Variants in GABRB1 observed in about 807,000 individuals in gnomAD.
GABRB1 encodes gamma-aminobutyric acid type A receptor subunit beta1.
Under a neutral mutation model 51.6 loss-of-function variants are expected in GABRB1, and 17 were observed. The ratio of observed to expected loss-of-function variants is 0.33; its 90% CI spans 0.23 to 0.49. The LOEUF is 0.49. Among genes scored for constraint, GABRB1 ranks in the 20% least tolerant of loss-of-function variants. GABRB1 has a pLI of 0.99. For missense variants in GABRB1, 410 were observed against 600.6 expected, an observed-to-expected ratio of 0.68 and a Z score of 3.32; for synonymous variants, 247 against 218.9, an observed-to-expected ratio of 1.13 and a Z score of -1.14.
At chr4:47,125,447 A>C (rs890922087) in intron 3 of GABRB1, among the ~76,000 whole-genome samples, 3 of 152,010 alleles carry the variant, frequency 2.0e-5, no homozygotes, top group Non-Finnish European at 4.4e-5. Flanking sequence ...ACTCTAATAC[A>C]GTAATAATGG....
chr4:47,112,488 G>T (rs13123038), intron 3 of GABRB1, among the ~76,000 whole-genome samples: 59,152 of 152,044 alleles, frequency 0.39, 11,785 homozygotes, highest in South Asian at 0.45. Flanking sequence ...TGGTTTGATT[G>T]TCAGGTTCAC....
chr4:47,207,954 A>G (rs193199122), intron 4 of GABRB1, among the ~76,000 whole-genome samples: 30 of 152,186 alleles, frequency 2.0e-4, no homozygotes, highest in Admixed American at 4.6e-4. Context: ...AAAATTACCT[A>G]ACTCCTGGCA....
chr4:47,118,810 G>A (rs1479801637), intron 3 of GABRB1, among the ~76,000 whole-genome samples: 1 of 152,116 alleles, frequency 6.6e-6, no homozygotes, highest in African/African-American at 2.4e-5. Flanking sequence ...TAGCTAAATA[G>A]AGATATGCCA....
chr4:47,039,369 A>T (rs560825598), intron 3 of GABRB1, among the ~76,000 whole-genome samples: 1 of 151,290 alleles, frequency 6.6e-6, no homozygotes, highest in African/African-American at 2.4e-5. Flanking sequence ...CAAAAAAAAA[A>T]AAAAAACCAG....
intron 3 of GABRB1, among the ~76,000 whole-genome samples, chr4:47,143,932 AG>A (rs1717043205): frequency 2.0e-5 from 3 of 151,932 alleles, no homozygotes; most frequent in Non-Finnish European, 2.9e-5. Flanking sequence ...TTGCATCCTC[AG>A]CACCTAAAAC....
At chr4:47,113,449 T>C (rs1267840280) in intron 3 of GABRB1, among the ~76,000 whole-genome samples, 1 of 149,542 alleles carries the variant, frequency 6.7e-6, no homozygotes, top group Admixed American at 6.6e-5. Flanking sequence ...AATAAAAATA[T>C]AATTATGAAT....
At chr4:47,407,282 T>C (rs1728609346) in intron 8 of GABRB1, among the ~76,000 whole-genome samples, 1 of 152,230 alleles carries the variant, frequency 6.6e-6, no homozygotes. Flanking sequence ...GTTATAACCA[T>C]AGACTGAAAT....
At chr4:47,420,383 G>A (rs990616199) in intron 8 of GABRB1, among the ~76,000 whole-genome samples, 1 of 152,086 alleles carries the variant, frequency 6.6e-6, no homozygotes, top group Non-Finnish European at 1.5e-5. Context: ...CATACTTGAG[G>A]GCACTGTGAG....
chr4:47,099,922 T>C (rs1005996879), intron 3 of GABRB1, among the ~76,000 whole-genome samples: 2 of 152,160 alleles, frequency 1.3e-5, no homozygotes, highest in Non-Finnish European at 1.5e-5. Context: ...CATTTAGTTG[T>C]AATTTCGCCT....
At chr4:47,310,521 A>G (rs1054479005) in intron 4 of GABRB1, among the ~76,000 whole-genome samples, 7 of 152,208 alleles carry the variant, frequency 4.6e-5, no homozygotes, top group African/African-American at 1.4e-4. Context: ...TTAACTGCTC[A>G]TGGAAGAAAT....
intron 3 of GABRB1, among the ~76,000 whole-genome samples, chr4:47,053,888 T>A (rs1726467895): frequency 6.6e-6 from 1 of 152,220 alleles, no homozygotes; most frequent in Admixed American, 6.5e-5. Flanking sequence ...CTCAGAGCTC[T>A]GGGTAGTTTT....
At chr4:47,039,798 G>C (rs1725750752) in intron 3 of GABRB1, among the ~76,000 whole-genome samples, 1 of 152,230 alleles carries the variant, frequency 6.6e-6, no homozygotes, top group African/African-American at 2.4e-5. Context: ...GGGAACTACA[G>C]ATAATTCCTA....
chr4:47,415,117 G>T (rs1207965636), intron 8 of GABRB1, among the ~76,000 whole-genome samples: 1 of 152,068 alleles, frequency 6.6e-6, no homozygotes, highest in Non-Finnish European at 1.5e-5. Flanking sequence ...TCCTTTTCAG[G>T]AATCTCTGTC....
intron 4 of GABRB1, among the ~76,000 whole-genome samples, chr4:47,186,024 C>A (rs1221176078): frequency 6.6e-6 from 1 of 151,802 alleles, no homozygotes; most frequent in East Asian, 1.9e-4. Flanking sequence ...CAAAACTGGT[C>A]ATAACTGGCC....
chr4:47,227,126 C>T (rs574394089), intron 4 of GABRB1, among the ~76,000 whole-genome samples: 1 of 152,260 alleles, frequency 6.6e-6, no homozygotes, highest in East Asian at 1.9e-4. Context: ...CCCTTCTCTG[C>T]TCCTCTCTGT....
intron 4 of GABRB1, among the ~76,000 whole-genome samples, chr4:47,310,677 G>C (rs1724637012): frequency 6.6e-6 from 1 of 152,126 alleles, no homozygotes; most frequent in Non-Finnish European, 1.5e-5. Flanking sequence ...TATTAATACA[G>C]TGAGATGTTA....
intron 4 of GABRB1, among the ~76,000 whole-genome samples, chr4:47,232,815 A>G (rs1169260327): frequency 2.0e-5 from 3 of 151,416 alleles, no homozygotes; most frequent in Non-Finnish European, 4.4e-5. Context: ...TGATTCTCAA[A>G]TTTCTTATTT....
chr4:47,222,486 G>A (rs974254173), intron 4 of GABRB1, among the ~76,000 whole-genome samples: 1 of 152,032 alleles, frequency 6.6e-6, no homozygotes, highest in Non-Finnish European at 1.5e-5. Flanking sequence ...ATGCATCTCT[G>A]CATTAGGCCT....
intron 5 of GABRB1, among the ~76,000 whole-genome samples, chr4:47,374,298 A>G (rs1727304567): frequency 6.6e-6 from 1 of 152,146 alleles, no homozygotes; most frequent in South Asian, 2.1e-4. Flanking sequence ...CTGGGGTGCA[A>G]CAATCACTTA....
Sources: allele counts gnomAD v4.1 joint callset (sites outside exome capture counted in the v4.1 genomes callset), GRCh38; gene constraint gnomAD v4.1.1; transcripts MANE v1.5; gene names NCBI Gene and HGNC (gene_info 2026-07-23, HGNC 2026-07-21).